SEC24D: variants seen among roughly 807,000 people sequenced by gnomAD.
The protein encoded by SEC24D is protein transport protein Sec24D.
A neutral mutation model predicts 116.9 loss-of-function variants in SEC24D; 69 were observed. The observed-to-expected ratio is 0.59, with a 90% confidence interval of 0.49 to 0.72. The LOEUF (loss-of-function observed/expected upper bound fraction) is 0.72, where lower values mean the gene tolerates loss of function less well. Ranked by LOEUF, SEC24D falls within the 30% of genes least tolerant of loss-of-function variation. SEC24D has a pLI of 0.00. For missense variants in SEC24D, 1,131 were observed against 1,264.1 expected, an observed-to-expected ratio of 0.89 and a Z score of 1.60; for synonymous variants, 405 against 442.8, an observed-to-expected ratio of 0.91 and a Z score of 1.07.
chr4:118,822,819 C>T (rs1323013458), intron 3 of SEC24D, among the ~76,000 whole-genome samples: 3 of 152,080 alleles, frequency 2.0e-5, no homozygotes, highest in Non-Finnish European at 4.4e-5. Context: ...GCGATCCTCT[C>T]GTGTCAGCCT....
intron 8 of SEC24D, among the ~76,000 whole-genome samples, chr4:118,776,955 G>A (rs560136655): frequency 1.3e-5 from 2 of 151,996 alleles, no homozygotes; most frequent in Non-Finnish European, 2.9e-5. Flanking sequence ...AGATAAAAAG[G>A]GTTAAAAATA....
In SEC24D at chr4:118,723,570, G is replaced by C. The variant is rs760670617; in HGVS notation, c.3044C>G (p.Ser1015Cys). 1 of 1,613,776 alleles carries C rather than the reference G, an allele frequency of 6.2e-7. No homozygotes were observed. ...VEDKGLYGGSSYVDFLCCVHK... is the reference protein window; with the variant it reads ...VEDKGLYGGSCYVDFLCCVHK... ...AACACAACAAAGGAAATCCACATAA[G>C]AAGAGCCTCCGTAAAGTCCTTTGTC... Residue 1015 changes from serine (S) to cysteine (C), a missense_variant, in exon 23 of 23, where the codon TCT becomes TGT. Physicochemically the swap from Ser to Cys is moderately radical, Grantham distance 112. Coordinates refer to ENST00000280551, the MANE Select transcript of SEC24D (RefSeq NM_014822.4).
intron 2 of SEC24D, among the ~76,000 whole-genome samples, chr4:118,830,911 A>G (rs557035096): frequency 1.0e-3 from 157 of 152,338 alleles, no homozygotes; most frequent in Non-Finnish European, 2.0e-3. Flanking sequence ...GATTGAACAA[A>G]AAGAGTGACA....
intron 8 of SEC24D, among the ~76,000 whole-genome samples, chr4:118,777,026 T>C (rs551622265): frequency 6.6e-6 from 1 of 152,282 alleles, no homozygotes; most frequent in East Asian, 1.9e-4. Context: ...GTCAAAGTAT[T>C]CCCTGCATTA....
At chr4:118,824,525 C>A (rs1730517856) in intron 3 of SEC24D, 95 bp downstream of exon 3, 1 of 1,382,232 alleles carries the variant, frequency 7.2e-7, no homozygotes, top group African/African-American at 1.5e-5. Flanking sequence ...ATCAAAACGT[C>A]AAACTTTCAA....
intron 19 of SEC24D, among the ~76,000 whole-genome samples, chr4:118,735,360 C>T (rs1725905363): frequency 6.6e-6 from 1 of 152,192 alleles, no homozygotes; most frequent in Non-Finnish European, 1.5e-5. Flanking sequence ...CCCCACCCGA[C>T]TGACCCCCTC....
Position 118,764,935 on chromosome 4 carries a change from G to T in SEC24D, c.1181-18C>A. The T allele has an allele frequency of 7.5e-7, 1 of 1,336,346 alleles. No homozygotes were observed. The highest frequency in any genetic ancestry group is 1.2e-5 in the South Asian group (1 of 81,766). The allele number at this position is 1,336,346 out of a possible 1,614,324, so 82.8% of individuals were successfully genotyped here. On this transcript the variant is annotated intron_variant, in intron 9 of 22. Coordinates refer to ENST00000280551, the MANE Select transcript of SEC24D (RefSeq NM_014822.4). ...TGGTGGAACTAATAAAAACAAAATA[G>T]GAAAGAAAATATTTTGTTTTCATAA...
chr4:118,789,852 G>T (rs536464885), intron 8 of SEC24D, among the ~76,000 whole-genome samples: 1 of 152,262 alleles, frequency 6.6e-6, no homozygotes, highest in East Asian at 1.9e-4. Flanking sequence ...CCAAAGTGCT[G>T]GGATTACAGG....
chr4:118,770,945 G>A (rs1483949847), intron 8 of SEC24D, among the ~76,000 whole-genome samples: 2 of 152,146 alleles, frequency 1.3e-5, no homozygotes, highest in Admixed American at 1.3e-4. Context: ...TGAGGTGACA[G>A]TAAAGAATGT....
intron 6 of SEC24D, among the ~76,000 whole-genome samples, chr4:118,811,719 A>G (rs1341208973): frequency 6.6e-6 from 1 of 151,770 alleles, no homozygotes; most frequent in Non-Finnish European, 1.5e-5. Context: ...ATTACTTAAA[A>G]TAAATCTCCC....
chr4:118,775,740 T>C (rs1379388616), intron 8 of SEC24D, among the ~76,000 whole-genome samples: 2 of 152,200 alleles, frequency 1.3e-5, no homozygotes, highest in African/African-American at 2.4e-5. Context: ...ACTAAAATGA[T>C]ATCCTTGGGA....
At chr4:118,773,046 T>C (rs1727975203) in intron 8 of SEC24D, among the ~76,000 whole-genome samples, 1 of 152,152 alleles carries the variant, frequency 6.6e-6, no homozygotes, top group Non-Finnish European at 1.5e-5. Context: ...ACACAAACTC[T>C]TCAACCACCT....
chr4:118,815,732 T>C lies in SEC24D; in HGVS notation c.398-6A>G. On this transcript the variant is annotated splice_polypyrimidine_tract_variant and splice_region_variant and intron_variant, in intron 4 of 22. Transcript: ENST00000280551. ...TGGAGGAGCCATGCCTGAACCTGTG[T>C]GAGAAAGGAGACCAGCCCACTTAAA... 1.2e-6 allele frequency: 2 copies of C among 1,613,008 alleles called. No individual in the cohort carries two copies. Among genetic ancestry groups the C allele is most frequent in the Non-Finnish European group, 8.5e-7 (1 of 1,179,450 alleles).
At chr4:118,778,279 T>C (rs1041735466) in intron 8 of SEC24D, among the ~76,000 whole-genome samples, 1 of 152,240 alleles carries the variant, frequency 6.6e-6, no homozygotes, top group African/African-American at 2.4e-5. Context: ...GTATTAATTT[T>C]TGTATAAGGT....
intron 8 of SEC24D, among the ~76,000 whole-genome samples, chr4:118,771,767 T>G (rs1250482937): frequency 6.6e-6 from 1 of 152,218 alleles, no homozygotes; most frequent in Non-Finnish European, 1.5e-5. Flanking sequence ...ATTTTAAAAG[T>G]CTTCTTATTT....
chr4:118,741,153 T>G, intron 15 of SEC24D, 116 bp from the exon 16 acceptor site: 1 of 546,246 alleles, frequency 1.8e-6, no homozygotes, highest in Non-Finnish European at 3.1e-6. Context: ...TTTAGCATAT[T>G]TTTTTATTAT....
At chr4:118,794,822 AAT>A (rs1286636766) in intron 8 of SEC24D, among the ~76,000 whole-genome samples, 1 of 152,238 alleles carries the variant, frequency 6.6e-6, no homozygotes, top group Non-Finnish European at 1.5e-5. Flanking sequence ...TTCTCATATT[AAT>A]ATATTACCCC....
At chr4:118,752,428 G>A (rs1189331296) in intron 12 of SEC24D, among the ~76,000 whole-genome samples, 1 of 152,042 alleles carries the variant, frequency 6.6e-6, no homozygotes, top group South Asian at 2.1e-4. Flanking sequence ...TAGCTCCCTT[G>A]CGATACCTTT....
At chr4:118,821,341 T>A (rs56322132) in intron 3 of SEC24D, among the ~76,000 whole-genome samples, 6,652 of 152,250 alleles carry the variant, frequency 0.044, 199 homozygotes, top group Non-Finnish European at 0.064. Flanking sequence ...TCACTTAAAC[T>A]TGATTGATTG....
Sources: allele counts gnomAD v4.1 joint callset (sites outside exome capture counted in the v4.1 genomes callset), GRCh38; gene constraint gnomAD v4.1.1; transcripts MANE v1.5; gene names NCBI Gene and HGNC (gene_info 2026-07-23, HGNC 2026-07-21).